UNC5A: variants seen among roughly 807,000 people sequenced by gnomAD.
UNC5A encodes the protein netrin receptor UNC5A.
In UNC5A, 20 loss-of-function variants were observed where a neutral mutation model predicts 87.4. That is an observed-to-expected ratio of 0.23 (90% CI 0.16 to 0.33). The LOEUF (loss-of-function observed/expected upper bound fraction) is 0.33. Among genes scored for constraint, UNC5A ranks in the 10% least tolerant of loss-of-function variants. UNC5A has a pLI of 1.00. For missense variants in UNC5A, 844 were observed against 1,133.4 expected, an observed-to-expected ratio of 0.74 and a Z score of 3.67; for synonymous variants, 438 against 482.3, an observed-to-expected ratio of 0.91 and a Z score of 1.20.
chr5:176,839,637 T>C (rs1372566518), intron 1 of UNC5A, among the ~76,000 whole-genome samples: 1 of 152,138 alleles, frequency 6.6e-6, no homozygotes, highest in Non-Finnish European at 1.5e-5. Flanking sequence ...GAAACTGCCC[T>C]GGCAGGGCCC....
At position 176,879,894 on chromosome 5, in the gene UNC5A, C is replaced by G. The variant is rs1247715505; in HGVS notation, c.*8C>G. On this transcript the variant is annotated 3_prime_UTR_variant, in exon 15 of 15. Coordinates refer to ENST00000329542, the MANE Select transcript of UNC5A (RefSeq NM_133369.3). ...TCGGAGGCTGAGTGCTGAGGCCGGCCAGGCCCGACACCTACACTCTCACCA... is the reference window on the plus strand; with the variant it reads ...TCGGAGGCTGAGTGCTGAGGCCGGCGAGGCCCGACACCTACACTCTCACCA... 1 of 1,582,272 alleles carries G rather than the reference C, an allele frequency of 6.3e-7. No homozygotes were observed. The highest frequency in any genetic ancestry group is 2.3e-5 in the East Asian group (1 of 43,304).
At chr5:176,857,265 G>A (rs972765346) in intron 1 of UNC5A, among the ~76,000 whole-genome samples, 11 of 152,214 alleles carry the variant, frequency 7.2e-5, no homozygotes, top group African/African-American at 2.7e-4. Context: ...TGCTTGCGCT[G>A]GATCCCGGTG....
intron 1 of UNC5A, among the ~76,000 whole-genome samples, chr5:176,852,008 G>C (rs1190392456): frequency 6.6e-6 from 1 of 152,204 alleles, no homozygotes; most frequent in East Asian, 1.9e-4. Flanking sequence ...TCATTAGGAA[G>C]ACAGAAGGAC....
chr5:176,814,527 T>C (rs1477116355), intron 1 of UNC5A, among the ~76,000 whole-genome samples: 4 of 152,082 alleles, frequency 2.6e-5, no homozygotes, highest in Non-Finnish European at 1.5e-5. Flanking sequence ...CTGCTGCCAA[T>C]CCCTGCACTG....
At chr5:176,863,495 G>A (rs1273342237) in intron 2 of UNC5A, among the ~76,000 whole-genome samples, 1 of 152,142 alleles carries the variant, frequency 6.6e-6, no homozygotes, top group Non-Finnish European at 1.5e-5. Flanking sequence ...ACTGAGCAGA[G>A]GGGGCCAGCC....
chr5:176,828,554 T>C (rs1756909583), intron 1 of UNC5A, among the ~76,000 whole-genome samples: 1 of 152,190 alleles, frequency 6.6e-6, no homozygotes, highest in African/African-American at 2.4e-5. Context: ...TTGTTTGGCC[T>C]CACTCAAATA....
intron 1 of UNC5A, among the ~76,000 whole-genome samples, chr5:176,825,853 T>A (rs1561641304): frequency 6.6e-6 from 1 of 150,654 alleles, no homozygotes; most frequent in East Asian, 1.9e-4. Flanking sequence ...AAATAAACAT[T>A]TATTGAGCAC....
At chr5:176,854,650 G>C (rs1205474793) in intron 1 of UNC5A, among the ~76,000 whole-genome samples, 1 of 152,228 alleles carries the variant, frequency 6.6e-6, no homozygotes, top group Non-Finnish European at 1.5e-5. Context: ...CTGGCTCCCA[G>C]CCAGATTTGA....
At chr5:176,879,535 C>T in intron 14 of UNC5A, 47 bp downstream of exon 14, 1 of 1,561,648 alleles carries the variant, frequency 6.4e-7, no homozygotes, top group Non-Finnish European at 8.7e-7. Context: ...CACCGACAGT[C>T]CTGCCCGGCG....
intron 1 of UNC5A, among the ~76,000 whole-genome samples, chr5:176,832,930 C>G (rs796254771): frequency 6.6e-6 from 1 of 152,146 alleles, no homozygotes; most frequent in East Asian, 1.9e-4. Context: ...AACTGGATGG[C>G]CAGGGCTTGG....
At chr5:176,829,881 CT>C (rs70991576) in intron 1 of UNC5A, among the ~76,000 whole-genome samples, 11 of 87,340 alleles carry the variant, frequency 1.3e-4, no homozygotes, top group Admixed American at 5.0e-4. Context: ...ATCACTGCTC[CT>C]TTTTTTTTTT....
chr5:176,878,558 T>TA lies in UNC5A; in HGVS notation c.2104dup (p.Ser702LysfsTer2), dbSNP rs1316620794. 6.2e-7 allele frequency: 1 copy of TA among 1,613,142 alleles called. No homozygotes were observed. Reference sequence around the variant, plus strand: ...CCCTGGAGCGTGTCAGCCCCAGCACTAGTGACCTGGCCTGCAAGCTGTGGG... The same window carrying TA: ...CCCTGGAGCGTGTCAGCCCCAGCACTAAGTGACCTGGCCTGCAAGCTGTGGG... On this transcript the variant is annotated frameshift_variant, in exon 13 of 15. Coordinates refer to ENST00000329542, the MANE Select transcript of UNC5A (RefSeq NM_133369.3). LOFTEE classifies it high-confidence loss of function.
chr5:176,815,097 A>T (rs1217553084), intron 1 of UNC5A, among the ~76,000 whole-genome samples: 1 of 152,190 alleles, frequency 6.6e-6, no homozygotes, highest in Admixed American at 6.5e-5. Context: ...TTGTATGCCC[A>T]TGTCTGTTGA....
chr5:176,869,081 G>A lies in UNC5A; in HGVS notation c.721+117G>A. 1 of 1,189,674 alleles carries A rather than the reference G, an allele frequency of 8.4e-7. No homozygotes were observed. The highest frequency in any genetic ancestry group is 1.5e-5 in the African/African-American group (1 of 64,534). The allele number at this position is 1,189,674 out of a possible 1,614,324, so 73.7% of individuals were successfully genotyped here. ...GCCAAAGCCAGGTGGACCAGATCGT[G>A]CCTGACTAGGCAGGATAAGCAAAGG... On this transcript the variant is annotated intron_variant, in intron 5 of 14. Transcript: ENST00000329542. This position sits in a 1 kb window ranked among gnomAD's most constrained non-coding sequence, Gnocchi z 9.1.
intron 1 of UNC5A, among the ~76,000 whole-genome samples, chr5:176,817,539 G>A (rs1756620306): frequency 6.6e-6 from 1 of 152,210 alleles, no homozygotes; most frequent in African/African-American, 2.4e-5. Context: ...GTTTTTCCCA[G>A]CTCTGCATCT....
chr5:176,863,194 C>G (rs1033496569), intron 2 of UNC5A, among the ~76,000 whole-genome samples: 1 of 152,198 alleles, frequency 6.6e-6, no homozygotes, highest in Non-Finnish European at 1.5e-5. Flanking sequence ...GACCTCTCAG[C>G]AGGGAGAGAG....
In UNC5A at chr5:176,869,195, C is replaced by G. The variant is rs1198291418; in HGVS notation, c.721+231C>G. Among the ~76,000 whole-genome samples, 2 of 152,114 alleles carry G rather than the reference C, an allele frequency of 1.3e-5. No homozygotes were observed. Among genetic ancestry groups the G allele is most frequent in the Non-Finnish European group, 2.9e-5 (2 of 67,996 alleles). On this transcript the variant is annotated intron_variant, in intron 5 of 14. Coordinates refer to ENST00000329542, the MANE Select transcript of UNC5A (RefSeq NM_133369.3). The surrounding 1 kb of genome is among the most constrained non-coding windows in gnomAD (Gnocchi z 9.1). The stretch of plus-strand genomic sequence containing the variant: ...TCCTTTGTGGGCAGCGGGCATTGTG[C>G]AGAAGGAGATGAGGGACAGGATGGG...
At chr5:176,879,629 C>G in intron 14 of UNC5A, 92 bp from the exon 15 acceptor site, 1 of 1,558,228 alleles carries the variant, frequency 6.4e-7, no homozygotes, top group East Asian at 2.3e-5. Context: ...TGTTTGGCTT[C>G]GGGGAGGCCC....
At chr5:176,813,894 GC>G (rs1756528657) in intron 1 of UNC5A, among the ~76,000 whole-genome samples, 1 of 152,198 alleles carries the variant, frequency 6.6e-6, no homozygotes, top group Non-Finnish European at 1.5e-5. Context: ...GCATATGCAT[GC>G]GGGGCCTCCT....
Sources: allele counts gnomAD v4.1 joint callset (sites outside exome capture counted in the v4.1 genomes callset), GRCh38; gene constraint gnomAD v4.1.1; non-coding constraint Gnocchi (gnomAD v3.1); transcripts MANE v1.5; gene names NCBI Gene and HGNC (gene_info 2026-07-23, HGNC 2026-07-21).